The following PDLIM5 variants were observed in gnomAD, a reference collection of about 807,000 sequenced individuals.
The protein encoded by PDLIM5 is PDZ and LIM domain protein 5.
A neutral mutation model predicts 64.2 loss-of-function variants in PDLIM5; 34 were observed. That is an observed-to-expected ratio of 0.53 (90% CI 0.40 to 0.71). The LOEUF (loss-of-function observed/expected upper bound fraction) is 0.71, where lower values mean the gene tolerates loss of function less well. Among genes scored for constraint, PDLIM5 ranks in the 30% least tolerant of loss-of-function variants. PDLIM5 has a pLI of 0.00. For missense variants in PDLIM5, 683 were observed against 733.6 expected (o/e 0.93, Z 0.80); for synonymous variants, 253 against 269.1 (o/e 0.94, Z 0.59).
At chr4:94,505,610 A>T (rs1728322573) in intron 2 of PDLIM5, among the ~76,000 whole-genome samples, 1 of 152,210 alleles carries the variant, frequency 6.6e-6, no homozygotes, top group African/African-American at 2.4e-5. Context: ...GCTGGGTCCC[A>T]TGACTCCTTC....
chr4:94,571,715 T>C (rs1177684447), intron 3 of PDLIM5, among the ~76,000 whole-genome samples: 1 of 152,218 alleles, frequency 6.6e-6, no homozygotes, highest in Admixed American at 6.5e-5. Flanking sequence ...TCTATGACAT[T>C]GTTAAAGTAA....
intron 3 of PDLIM5, among the ~76,000 whole-genome samples, chr4:94,559,425 A>C (rs1266125340): frequency 6.6e-6 from 1 of 152,198 alleles, no homozygotes; most frequent in African/African-American, 2.4e-5. Flanking sequence ...TTTAGAACTC[A>C]CGTAAGGCAG....
At chr4:94,601,519 T>C (rs933476729) in intron 7 of PDLIM5, among the ~76,000 whole-genome samples, 1 of 152,154 alleles carries the variant, frequency 6.6e-6, no homozygotes, top group Non-Finnish European at 1.5e-5. Context: ...CTTAAGTAAG[T>C]GGGAAGCTCC....
intron 2 of PDLIM5, among the ~76,000 whole-genome samples, chr4:94,522,332 T>A (rs1729903961): frequency 6.6e-6 from 1 of 152,214 alleles, no homozygotes; most frequent in Non-Finnish European, 1.5e-5. Flanking sequence ...TTTTAAACTG[T>A]GATAAAATAA....
rs140161533 is a variant in PDLIM5, at chr4:94,662,403, C to T, written c.1586-19C>T. ...TTCATCATGTTTAAATTATGTCTCTCTGCCCTCCCTTAATACAGATTATTA... is the reference window on the plus strand; with the variant it reads ...TTCATCATGTTTAAATTATGTCTCTTTGCCCTCCCTTAATACAGATTATTA... On this transcript the variant is annotated intron_variant, in intron 11 of 12. Transcript: ENST00000317968. 1.5e-4 allele frequency: 170 copies of T among 1,104,610 alleles called. No homozygotes were observed. In the African/African-American group the frequency reaches 2.3e-3, roughly 15 times the overall value. 68.4% of individuals were successfully genotyped at this position (1,104,610 alleles called of 1,614,324 possible).
chr4:94,648,756 T>C (rs1488408746), intron 9 of PDLIM5, among the ~76,000 whole-genome samples: 1 of 152,152 alleles, frequency 6.6e-6, no homozygotes, highest in Non-Finnish European at 1.5e-5. Context: ...GCAAATTCAG[T>C]TCCTTGCAGC....
At chr4:94,585,256 A>G (rs1736080542) in intron 5 of PDLIM5, among the ~76,000 whole-genome samples, 1 of 151,828 alleles carries the variant, frequency 6.6e-6, no homozygotes, top group Admixed American at 6.6e-5. Context: ...ATTCCCAGCT[A>G]ATTTTTTGTA....
intron 7 of PDLIM5, among the ~76,000 whole-genome samples, chr4:94,608,593 A>G (rs1738117527): frequency 6.6e-6 from 1 of 152,164 alleles, no homozygotes; most frequent in African/African-American, 2.4e-5. Context: ...TGCTGATACT[A>G]AATCCTTTTC....
intron 3 of PDLIM5, among the ~76,000 whole-genome samples, chr4:94,525,376 C>G: frequency 6.6e-6 from 1 of 152,078 alleles, no homozygotes; most frequent in East Asian, 1.9e-4. Flanking sequence ...CAAGATCTTG[C>G]CACTGCACTC....
intron 3 of PDLIM5, among the ~76,000 whole-genome samples, chr4:94,572,975 G>A (rs902981): frequency 0.5 from 75,411 of 151,910 alleles, 19,029 homozygotes; most frequent in South Asian, 0.76. Context: ...GTCAGATTAG[G>A]TGGTTGAGGA....
chr4:94,452,798 C>T (rs1438720746), intron 1 of PDLIM5, among the ~76,000 whole-genome samples: 1 of 152,122 alleles, frequency 6.6e-6, no homozygotes, highest in Non-Finnish European at 1.5e-5. Flanking sequence ...ACGGGGAGGA[C>T]GTCTGAACCC....
chr4:94,645,475 T>C (rs1741340401), intron 9 of PDLIM5, among the ~76,000 whole-genome samples: 1 of 152,220 alleles, frequency 6.6e-6, no homozygotes, highest in African/African-American at 2.4e-5. Context: ...TTAGATTAAT[T>C]TGCCCAAAGT....
intron 11 of PDLIM5, among the ~76,000 whole-genome samples, chr4:94,659,819 C>T (rs991334681): frequency 6.6e-6 from 1 of 151,872 alleles, no homozygotes; most frequent in African/African-American, 2.4e-5. Context: ...TGAGCCACCA[C>T]GCCTGACCAG....
At chr4:94,649,582 A>G (rs1010082949) in intron 9 of PDLIM5, among the ~76,000 whole-genome samples, 1 of 152,184 alleles carries the variant, frequency 6.6e-6, no homozygotes, top group Non-Finnish European at 1.5e-5. Context: ...GTTCCATGCA[A>G]TCAGGGCTTT....
chr4:94,512,114 A>T (rs1487420314), intron 2 of PDLIM5, among the ~76,000 whole-genome samples: 1 of 151,624 alleles, frequency 6.6e-6, no homozygotes, highest in Non-Finnish European at 1.5e-5. Flanking sequence ...TCCACCTCCC[A>T]GGTTCAAGCG....
intron 7 of PDLIM5, among the ~76,000 whole-genome samples, chr4:94,614,367 G>A (rs1003572600): frequency 2.0e-5 from 3 of 151,992 alleles, no homozygotes; most frequent in Non-Finnish European, 4.4e-5. Context: ...CTTCTGTCTT[G>A]GTCTCCTAAA....
chr4:94,604,582 C>T (rs748908272), intron 7 of PDLIM5, among the ~76,000 whole-genome samples: 26 of 152,110 alleles, frequency 1.7e-4, no homozygotes, highest in Middle Eastern at 3.4e-3. Context: ...TGCAGTGAGC[C>T]GGGATTGTGC....
intron 11 of PDLIM5, among the ~76,000 whole-genome samples, chr4:94,660,108 G>A (rs1742562632): frequency 6.6e-6 from 1 of 151,788 alleles, no homozygotes; most frequent in Non-Finnish European, 1.5e-5. Flanking sequence ...ATGTTGGCCA[G>A]GGTAGTGTAG....
chr4:94,605,715 G>A (rs900943255), intron 7 of PDLIM5, among the ~76,000 whole-genome samples: 10 of 152,108 alleles, frequency 6.6e-5, no homozygotes, highest in African/African-American at 1.9e-4. Context: ...TCCCAAGTGC[G>A]TTTGCTTGGA....
Sources: gnomAD v4.1 joint callset for allele counts (sites outside exome capture counted in the v4.1 genomes callset) on GRCh38, gnomAD v4.1.1 for gene constraint, MANE v1.5 for transcripts, NCBI Gene and HGNC (gene_info 2026-07-23, HGNC 2026-07-21) for gene names.